Variants in HS3ST2 observed in about 807,000 individuals in gnomAD.
HS3ST2 encodes heparan sulfate glucosamine 3-O-sulfotransferase 2.
A neutral mutation model predicts 26.3 loss-of-function variants in HS3ST2; 17 were observed. The observed-to-expected ratio is 0.65, with a 90% CI of 0.44 to 0.97. The LOEUF is 0.97. Ranked by LOEUF, HS3ST2 falls within the 50% of genes least tolerant of loss-of-function variation. The pLI is 0.00. For missense variants in HS3ST2, 402 were observed against 501.2 expected (o/e 0.80, Z 1.89); for synonymous variants, 237 against 219.2 (o/e 1.08, Z -0.72).
At chr16:22,853,869 G>C (rs901570872) in intron 1 of HS3ST2, among the ~76,000 whole-genome samples, 1 of 152,158 alleles carries the variant, frequency 6.6e-6, no homozygotes, top group African/African-American at 2.4e-5. Flanking sequence ...GAGGCTGATT[G>C]TCTGGTCAAG....
chr16:22,888,036 T>C (rs867628073), intron 1 of HS3ST2, among the ~76,000 whole-genome samples: 3 of 152,216 alleles, frequency 2.0e-5, no homozygotes, highest in Non-Finnish European at 4.4e-5. Flanking sequence ...CTAGGTTGGA[T>C]CCCACACTGC....
intron 1 of HS3ST2, among the ~76,000 whole-genome samples, chr16:22,857,289 G>A (rs1163456932): frequency 6.6e-6 from 1 of 152,170 alleles, no homozygotes; most frequent in African/African-American, 2.4e-5. Context: ...GACGCTTCTT[G>A]CATCTTTCCA....
intron 1 of HS3ST2, among the ~76,000 whole-genome samples, chr16:22,909,713 C>T (rs1470445460): frequency 6.6e-6 from 1 of 152,102 alleles, no homozygotes; most frequent in African/African-American, 2.4e-5. Flanking sequence ...TAGTATTTGC[C>T]ATTTGGTTTT....
Position 22,862,669 on chromosome 16 carries a change from G to A in HS3ST2, c.485+47574G>A, listed in dbSNP as rs754521820. On this transcript the variant is annotated intron_variant, in intron 1 of 1. Coordinates refer to ENST00000261374, the MANE Select transcript of HS3ST2 (RefSeq NM_006043.2). ...TGGGACTCAGCCAGGTTGCCAGTCC[G>A]GGACATGTCTATCACATTCCTAGGC... is the stretch of plus-strand genomic sequence containing the variant. Among the ~76,000 whole-genome samples the A allele has an allele frequency of 9.9e-5, 15 of 152,254 alleles. No homozygotes were observed. The East Asian group carries it at 1.7e-3, about 18-fold the overall frequency.
At position 22,849,951 on chromosome 16, in the gene HS3ST2, C is replaced by T. The variant is rs539834740; in HGVS notation, c.485+34856C>T. ...GATAACTGTAGCTAGGGGAATACAGCGCATTACTGGCTAAGTGTAAGGTCC... is the reference window on the plus strand; with the variant it reads ...GATAACTGTAGCTAGGGGAATACAGTGCATTACTGGCTAAGTGTAAGGTCC... On this transcript the variant is annotated intron_variant, in intron 1 of 1. Transcript: ENST00000261374. Among the ~76,000 whole-genome samples, 45 of 152,260 alleles carry T rather than the reference C, an allele frequency of 3.0e-4. 1 individual carries two copies. The Middle Eastern group carries it at 0.01, about 35-fold the overall frequency.
intron 1 of HS3ST2, among the ~76,000 whole-genome samples, chr16:22,909,383 G>A (rs769040075): frequency 1.3e-5 from 2 of 152,230 alleles, no homozygotes; most frequent in African/African-American, 4.8e-5. Context: ...AAGGGTTGCA[G>A]GGTGAGAGAA....
intron 1 of HS3ST2, among the ~76,000 whole-genome samples, chr16:22,891,911 A>G (rs957430947): frequency 5.9e-5 from 9 of 152,132 alleles, no homozygotes; most frequent in Non-Finnish European, 1.0e-4. Flanking sequence ...CAGGGAGTAA[A>G]GCAGTGAAGG....
At chr16:22,840,698 C>T (rs539814317) in intron 1 of HS3ST2, among the ~76,000 whole-genome samples, 2 of 152,220 alleles carry the variant, frequency 1.3e-5, no homozygotes, top group African/African-American at 4.8e-5. Context: ...CAGCTACATG[C>T]TAGAAAGAAT....
chr16:22,860,668 A>G (rs1485084297), intron 1 of HS3ST2, among the ~76,000 whole-genome samples: 1 of 152,084 alleles, frequency 6.6e-6, no homozygotes, highest in East Asian at 1.9e-4. Context: ...GCTCCCAATA[A>G]ATATTTCTGG....
intron 1 of HS3ST2, among the ~76,000 whole-genome samples, chr16:22,865,531 G>A (rs1222130837): frequency 6.6e-6 from 1 of 152,144 alleles, no homozygotes; most frequent in Non-Finnish European, 1.5e-5. Context: ...ACTCCAGCCT[G>A]GGTGATAGAG....
intron 1 of HS3ST2, among the ~76,000 whole-genome samples, chr16:22,909,595 T>C (rs1423729684): frequency 3.3e-5 from 5 of 152,074 alleles, no homozygotes; most frequent in African/African-American, 1.2e-4. Flanking sequence ...GAGAAATAAA[T>C]ATTCAAGGGT....
chr16:22,844,264 T>C (rs1901400376), intron 1 of HS3ST2, among the ~76,000 whole-genome samples: 1 of 152,168 alleles, frequency 6.6e-6, no homozygotes, highest in African/African-American at 2.4e-5. Context: ...TTTCTCACTT[T>C]GGGATTCTTG....
At chr16:22,844,964 C>G (rs1469987350) in intron 1 of HS3ST2, among the ~76,000 whole-genome samples, 1 of 151,806 alleles carries the variant, frequency 6.6e-6, no homozygotes. Context: ...ACGCCATTCT[C>G]TTGCCTCAGC....
At chr16:22,902,653 T>A (rs549563890) in intron 1 of HS3ST2, among the ~76,000 whole-genome samples, 9 of 152,264 alleles carry the variant, frequency 5.9e-5, no homozygotes, top group East Asian at 5.8e-4. Flanking sequence ...TCAATGTATA[T>A]GTCTACCAAA....
chr16:22,884,672 A>AT (rs1185232889), intron 1 of HS3ST2, among the ~76,000 whole-genome samples: 33 of 140,030 alleles, frequency 2.4e-4, no homozygotes, highest in African/African-American at 8.6e-4. Flanking sequence ...ATATATATAT[A>AT]TATATTATAT....
intron 1 of HS3ST2, among the ~76,000 whole-genome samples, chr16:22,816,483 G>A (rs1900871530): frequency 6.6e-6 from 1 of 152,218 alleles, no homozygotes. Flanking sequence ...GTAGTTGTGG[G>A]GACGAGTGGG....
intron 1 of HS3ST2, among the ~76,000 whole-genome samples, chr16:22,849,584 T>C (rs1344269797): frequency 6.6e-6 from 1 of 152,218 alleles, no homozygotes; most frequent in Non-Finnish European, 1.5e-5. Flanking sequence ...ATGTGCTCAC[T>C]GTGGCCCCTC....
intron 1 of HS3ST2, among the ~76,000 whole-genome samples, chr16:22,904,178 T>A (rs1477142008): frequency 6.6e-6 from 1 of 152,088 alleles, no homozygotes; most frequent in Non-Finnish European, 1.5e-5. Flanking sequence ...GGAAGCCAGG[T>A]TTAGGTGCAG....
In HS3ST2 at chr16:22,815,230, G is replaced by A. The variant is rs915739307; in HGVS notation, c.485+135G>A. ...TTCAGGCTGACACACAGGGCCATGG[G>A]GGGCTATAGCAGAATTTACCCAGAA... On this transcript the variant is annotated intron_variant, in intron 1 of 1. Transcript: ENST00000261374. 2.5e-6 allele frequency: 3 copies of A among 1,183,970 alleles called. No homozygotes were observed. The South Asian group carries it at 4.6e-5, about 18-fold the overall frequency. 73.3% of individuals were successfully genotyped at this position (1,183,970 alleles called of 1,614,324 possible). A position where few individuals can be genotyped will look rare whatever the true frequency, so the allele number is the denominator to read the frequency against.
Sources: allele counts gnomAD v4.1 joint callset (sites outside exome capture counted in the v4.1 genomes callset), GRCh38; gene constraint gnomAD v4.1.1; transcripts MANE v1.5; gene names NCBI Gene and HGNC (gene_info 2026-07-23, HGNC 2026-07-21).